OR2AT4: variants seen among roughly 807,000 people sequenced by gnomAD.
OR2AT4 encodes the protein olfactory receptor 2AT4.
In OR2AT4, 6 loss-of-function variants were observed where a neutral mutation model predicts 10.3. The observed-to-expected ratio is 0.58, with a 90% CI of 0.32 to 1.15. The LOEUF (loss-of-function observed/expected upper bound fraction) is 1.15, where lower values mean the gene tolerates loss of function less well. Ranked by LOEUF, OR2AT4 falls within the 50% of genes most tolerant of loss-of-function variation. The pLI is 0.05. For synonymous variants in OR2AT4, 145 were observed against 159.1 expected, an observed-to-expected ratio of 0.91 and a Z score of 0.67; for missense variants, 354 against 393.8, an observed-to-expected ratio of 0.90 and a Z score of 0.85.
exon 2 of OR2AT4, chr11:75,087,183 T>A (rs1337406206): frequency 6.6e-6 from 1 of 152,212 alleles, no homozygotes; most frequent in Non-Finnish European, 1.5e-5. Flanking sequence ...TCTAGTATAA[T>A]TAATAGTACG....
exon 2 of OR2AT4, chr11:75,089,588 G>A: frequency 6.2e-7 from 1 of 1,614,176 alleles, no homozygotes; most frequent in Non-Finnish European, 8.5e-7. Context: ...CCATCAGGAT[G>A]AGAAGGTAGA....
exon 2 of OR2AT4, chr11:75,081,851 C>G (rs1196060703): frequency 6.6e-6 from 1 of 152,058 alleles, no homozygotes; most frequent in Admixed American, 6.6e-5. Flanking sequence ...AAGAAGAACT[C>G]AAAACATTGC....
exon 2 of OR2AT4, chr11:75,084,161 C>T (rs1367060650): frequency 1.3e-5 from 2 of 152,044 alleles, no homozygotes; most frequent in Admixed American, 1.3e-4. Flanking sequence ...GGTACTTATG[C>T]TCATAAAGAT....
At chr11:75,081,771 T>C (rs1313312255) in exon 2 of OR2AT4, 1 of 152,070 alleles carries the variant, frequency 6.6e-6, no homozygotes, top group African/African-American at 2.4e-5. Context: ...CACAATCCCA[T>C]TTATAATAGC....
At chr11:75,083,635 T>A (rs981180742) in exon 2 of OR2AT4, 1 of 152,162 alleles carries the variant, frequency 6.6e-6, no homozygotes, top group East Asian at 1.9e-4. Context: ...AAAACATGGA[T>A]TCAACCTAGG....
At chr11:75,091,610 A>G (rs984889687) in intron 1 of OR2AT4, among the ~76,000 whole-genome samples, 1 of 152,232 alleles carries the variant, frequency 6.6e-6, no homozygotes, top group Non-Finnish European at 1.5e-5. Context: ...GAAAATGTCT[A>G]AAATTAAGCC....
At chr11:75,085,902 A>G (rs1372581970) in exon 2 of OR2AT4, 1 of 152,166 alleles carries the variant, frequency 6.6e-6, no homozygotes, top group Non-Finnish European at 1.5e-5. Context: ...AAAAATTAAT[A>G]AAGTCAGAGG....
At chr11:75,093,913 C>G (rs1166312875) in intron 1 of OR2AT4, among the ~76,000 whole-genome samples, 1 of 147,074 alleles carries the variant, frequency 6.8e-6, no homozygotes, top group Non-Finnish European at 1.5e-5. Context: ...CCTCTGCCCT[C>G]CCGGGTTCAA....
exon 2 of OR2AT4, chr11:75,082,041 A>G (rs574057078): frequency 1.3e-5 from 2 of 152,226 alleles, no homozygotes; most frequent in Non-Finnish European, 2.9e-5. Flanking sequence ...TCTTAAATTC[A>G]CATGGAACCA....
At chr11:75,089,373 C>T (rs749337472) in exon 2 of OR2AT4, 11 of 1,614,132 alleles carry the variant, frequency 6.8e-6, no homozygotes, top group Non-Finnish European at 9.3e-6. Context: ...GGCTTCTGAA[C>T]ATGTAAAACT....
At chr11:75,088,614 TAAG>T in exon 2 of OR2AT4, 1 of 848,398 alleles carries the variant, frequency 1.2e-6, no homozygotes, top group Non-Finnish European at 1.6e-6. Flanking sequence ...CTTGAATTAC[TAAG>T]TAGTAAAATT....
exon 2 of OR2AT4, chr11:75,089,649 G>T: frequency 1.9e-5 from 30 of 1,613,770 alleles, no homozygotes; most frequent in Non-Finnish European, 2.5e-5. Context: ...TGGCAGAGAG[G>T]GGATGCCCAA....
exon 2 of OR2AT4, chr11:75,084,834 A>G (rs1427330421): frequency 6.6e-6 from 1 of 152,212 alleles, no homozygotes; most frequent in African/African-American, 2.4e-5. Context: ...TACATTTGGA[A>G]TAAAATGAAA....
chr11:75,083,507 T>A (rs2140277613), exon 2 of OR2AT4: 1 of 152,282 alleles, frequency 6.6e-6, no homozygotes, highest in African/African-American at 2.4e-5. Flanking sequence ...GAACATAAAA[T>A]AGAGCTATCA....
exon 2 of OR2AT4, chr11:75,087,459 G>A (rs1949296324): frequency 6.6e-6 from 1 of 152,182 alleles, no homozygotes; most frequent in African/African-American, 2.4e-5. Context: ...AGTGGTGCAT[G>A]TGCCTGTGGT....
rs1380566333 is a variant in OR2AT4, at chr11:75,089,211, G to T, written c.503C>A (p.Thr168Asn). The change falls in exon 2 of 2, where the codon ACC becomes AAC. Residue 168 changes from threonine to asparagine, a missense_variant. Thr to Asn is a moderately conservative substitution (Grantham distance 65). Coordinates refer to ENST00000641504, the Ensembl canonical transcript of OR2AT4. Reference sequence around the variant, plus strand: ...AATGCTGTTATATGCCATCTGGGAGGTCCTTACTACTGCTGGGATGGGCAG... The same window carrying T: ...AATGCTGTTATATGCCATCTGGGAGTTCCTTACTACTGCTGGGATGGGCAG... 3 of 1,614,214 alleles carry T rather than the reference G, an allele frequency of 1.9e-6. No individual in the cohort carries two copies. The African/African-American group carries it at 4.0e-5, about 22-fold the overall frequency.
intron 1 of OR2AT4, 58 bp downstream of exon 1, chr11:75,096,770 C>G (rs139850663): frequency 1.8e-4 from 27 of 152,568 alleles, no homozygotes; most frequent in African/African-American, 5.3e-4. Context: ...CTGAGCCTAT[C>G]TCCCCATCCC....
chr11:75,090,898 ATGTG>A (rs1233679645), intron 1 of OR2AT4, among the ~76,000 whole-genome samples: 1 of 152,140 alleles, frequency 6.6e-6, no homozygotes, highest in African/African-American at 2.4e-5. Flanking sequence ...ATTTGAAGCT[ATGTG>A]TGTATGTAGT....
exon 2 of OR2AT4, chr11:75,089,431 G>T (rs199686791): frequency 1.9e-6 from 3 of 1,614,036 alleles, no homozygotes; most frequent in Admixed American, 3.3e-5. Flanking sequence ...CTGAGGAAGC[G>T]GTCCCCAAGC....
Sources: allele counts gnomAD v4.1 joint callset (sites outside exome capture counted in the v4.1 genomes callset), GRCh38; gene constraint gnomAD v4.1.1; transcripts MANE v1.5; gene names NCBI Gene and HGNC (gene_info 2026-07-23, HGNC 2026-07-21).